Variants in MAP1B observed in about 807,000 individuals in gnomAD.
The protein encoded by MAP1B is microtubule associated protein 1B.
In MAP1B, 12 loss-of-function variants were observed where a neutral mutation model predicts 176.1. The observed-to-expected ratio is 0.07, with a 90% confidence interval of 0.04 to 0.11. MAP1B has a LOEUF of 0.11. Ranked by LOEUF, MAP1B falls within the 10% of genes least tolerant of loss-of-function variation. The pLI, the probability that MAP1B is intolerant of heterozygous loss-of-function variation, is 1.00. For synonymous variants in MAP1B, 1,044 were observed against 1,135.0 expected (o/e 0.92, Z 1.61); for missense variants, 2,523 against 2,990.5 (o/e 0.84, Z 3.65).
In MAP1B at chr5:72,175,436, C is replaced by A. The variant is rs114634550; in HGVS notation, c.287-8307C>A. Among the ~76,000 whole-genome samples, 1,271 of 152,220 alleles carry A rather than the reference C, an allele frequency of 8.3e-3. 7 individuals are homozygous for A. The highest frequency in any genetic ancestry group is 0.011 in the Non-Finnish European group (734 of 68,018). On this transcript the variant is annotated intron_variant, in intron 2 of 6. Transcript: ENST00000296755. ...GCTATTTTATCAACCACAGCTGGTG[C>A]CAGGATTGGGCTTTGCTGGTTCTAC...
At chr5:72,164,478 C>A (rs773899118) in intron 2 of MAP1B, among the ~76,000 whole-genome samples, 4 of 152,190 alleles carry the variant, frequency 2.6e-5, no homozygotes, top group Non-Finnish European at 5.9e-5. Flanking sequence ...TTCTCTGGGT[C>A]TCTTCTTACA....
rs1188262250 is a variant in MAP1B at position 72,204,963 on chromosome 5, T to C, written c.7252-121T>C. 1.7e-5 allele frequency: 11 copies of C among 643,174 alleles called. No homozygotes were observed. Among genetic ancestry groups the C allele is most frequent in the Middle Eastern group, 8.0e-4 (2 of 2,510 alleles). 39.8% of individuals were successfully genotyped at this position (643,174 alleles called of 1,614,324 possible). A position where few individuals can be genotyped will look rare whatever the true frequency, so the allele number is the denominator to read the frequency against. On this transcript the variant is annotated intron_variant, in intron 6 of 6. Transcript: ENST00000296755. This position sits in a 1 kb window ranked among gnomAD's most constrained non-coding sequence, Gnocchi z 4.4. ...AATCCTTTGCATTTCTTGAGGAAAA[T>C]AGAAAAGTTTTCTCTCATTTCCCTT... is the stretch of plus-strand genomic sequence containing the variant.
intron 2 of MAP1B, among the ~76,000 whole-genome samples, chr5:72,167,242 AT>A (rs564211531): frequency 2.3e-3 from 344 of 152,248 alleles, no homozygotes; most frequent in African/African-American, 7.9e-3. Context: ...ATTTGGGTTG[AT>A]TTTCACTGCA....
At chr5:72,154,384 C>T (rs1746193475) in intron 2 of MAP1B, among the ~76,000 whole-genome samples, 1 of 152,230 alleles carries the variant, frequency 6.6e-6, no homozygotes, top group South Asian at 2.1e-4. Context: ...TTCCAGTTTA[C>T]TGTTAACAGC....
chr5:72,202,975 T>C (rs1003170053), intron 5 of MAP1B, among the ~76,000 whole-genome samples: 22 of 152,146 alleles, frequency 1.4e-4, no homozygotes, highest in African/African-American at 4.6e-4. Context: ...GGAGAGAATA[T>C]GGTGTTTCAT....
In MAP1B at chr5:72,198,274, C is replaced by A; in HGVS notation, c.4919C>A (p.Ser1640Tyr). The A allele has an allele frequency of 6.2e-7, 1 of 1,614,150 alleles. No homozygotes were observed. The highest frequency in any genetic ancestry group is 8.5e-7 in the Non-Finnish European group (1 of 1,179,966). ...KSRTPVQDHRSEQSSMSIEFG... is the reference protein window; with the variant it reads ...KSRTPVQDHRYEQSSMSIEFG... Reference sequence around the variant, plus strand: ...AGGACACCCGTTCAAGATCACAGATCTGAACAGTCCTCAATGTCTATTGAA... The same window carrying A: ...AGGACACCCGTTCAAGATCACAGATATGAACAGTCCTCAATGTCTATTGAA... Residue 1640 changes from serine (S) to tyrosine (Y), a missense_variant, in exon 5 of 7, where the codon TCT becomes TAT. Ser to Tyr is a moderately radical substitution (Grantham distance 144, BLOSUM62 -2). This residue lies in a region of MAP1B where 1,925 missense variants were observed against 2,126.0 expected (regional missense o/e 0.91). Transcript: ENST00000296755.
chr5:72,181,571 T>C (rs1746766666), intron 2 of MAP1B, among the ~76,000 whole-genome samples: 1 of 152,126 alleles, frequency 6.6e-6, no homozygotes, highest in South Asian at 2.1e-4. Context: ...TTTTATCAAG[T>C]TTTTGAGACA....
intron 5 of MAP1B, 121 bp downstream of exon 5, chr5:72,200,488 C>A: frequency 7.9e-7 from 1 of 1,262,436 alleles, no homozygotes; most frequent in Non-Finnish European, 1.1e-6. Context: ...TGATGCTTTA[C>A]CTTCCCTGTA....
intron 2 of MAP1B, among the ~76,000 whole-genome samples, chr5:72,128,005 C>CT (rs987895686): frequency 1.6e-4 from 25 of 152,092 alleles, no homozygotes; most frequent in Admixed American, 5.9e-4. Context: ...CAAAGACAGT[C>CT]TTTTTTTAAA....
rs1335629861 is a variant in MAP1B, at chr5:72,208,063, C to G, written c.*2824C>G. On this transcript the variant is annotated 3_prime_UTR_variant, in exon 7 of 7. Transcript: ENST00000296755. ...TTTTTCCTATGAAATCTATCAGTACCTTTCTCCATCCGTTGTTCTCAATAT... is the reference window on the plus strand; with the variant it reads ...TTTTTCCTATGAAATCTATCAGTACGTTTCTCCATCCGTTGTTCTCAATAT... The G allele has an allele frequency of 9.9e-6, 1 of 100,792 alleles. No individual in the cohort carries two copies. Among genetic ancestry groups the G allele is most frequent in the Non-Finnish European group, 1.9e-5 (1 of 52,260 alleles). 6.2% of individuals were successfully genotyped at this position (100,792 alleles called of 1,614,324 possible).
intron 2 of MAP1B, among the ~76,000 whole-genome samples, chr5:72,148,844 G>T (rs1746091988): frequency 6.6e-6 from 1 of 152,230 alleles, no homozygotes; most frequent in Non-Finnish European, 1.5e-5. Flanking sequence ...GGAGATGGCA[G>T]CCTAACTCTC....
intron 2 of MAP1B, among the ~76,000 whole-genome samples, chr5:72,138,834 A>G (rs767107490): frequency 1.1e-4 from 17 of 152,214 alleles, no homozygotes; most frequent in Non-Finnish European, 2.4e-4. Flanking sequence ...TTTCAATGAC[A>G]CCCAAATTGT....
At chr5:72,113,493 A>T (rs192644574) in intron 1 of MAP1B, among the ~76,000 whole-genome samples, 1 of 152,252 alleles carries the variant, frequency 6.6e-6, no homozygotes, top group African/African-American at 2.4e-5. Flanking sequence ...TGAAAATATA[A>T]AGCAAACATT....
rs139604402 is a variant in MAP1B at position 72,196,023 on chromosome 5, G to A, written c.2668G>A (p.Glu890Lys). 2.4e-5 allele frequency: 38 copies of A among 1,614,214 alleles called. No homozygotes were observed. Among genetic ancestry groups the A allele is most frequent in the Non-Finnish European group, 2.9e-5 (34 of 1,180,034 alleles). The change falls in exon 5 of 7, where the codon GAG becomes AAG. Residue 890 changes from glutamate to lysine, a missense_variant. Glu to Lys is a moderately conservative substitution (Grantham distance 56). Coordinates refer to ENST00000296755, the MANE Select transcript of MAP1B (RefSeq NM_005909.5). This position sits in a 1 kb window ranked among gnomAD's most constrained non-coding sequence, Gnocchi z 5.3. Reference protein sequence around the residue: ...KEREVTKGPAESPDEGITTTE... With the variant: ...KEREVTKGPAKSPDEGITTTE... ...GAGAGAAGTCACCAAAGGTCCTGCC[G>A]AGTCCCCTGATGAGGGAATCACTAC...
At chr5:72,136,616 T>C (rs1229853605) in intron 2 of MAP1B, among the ~76,000 whole-genome samples, 1 of 152,208 alleles carries the variant, frequency 6.6e-6, no homozygotes, top group East Asian at 1.9e-4. Flanking sequence ...ATCATTTTAC[T>C]ACTACCCTCT....
intron 2 of MAP1B, among the ~76,000 whole-genome samples, chr5:72,161,527 G>T (rs1337417465): frequency 6.6e-6 from 1 of 152,194 alleles, no homozygotes; most frequent in East Asian, 1.9e-4. Flanking sequence ...AGATGGACAG[G>T]GAAGTTGCAG....
rs776199977 is a variant in MAP1B, at chr5:72,107,731, C to T, written c.184+16C>T. On this transcript the variant is annotated intron_variant, in intron 1 of 6. Transcript: ENST00000296755. ...ATCGAGCTCGGTAAGTGGCCCCGCGCCCCCAGAGACGCGCGCTGGGAGACG... is the reference window on the plus strand; with the variant it reads ...ATCGAGCTCGGTAAGTGGCCCCGCGTCCCCAGAGACGCGCGCTGGGAGACG... 9.4e-6 allele frequency: 15 copies of T among 1,594,852 alleles called. No individual in the cohort carries two copies. In the East Asian group the frequency reaches 1.3e-4, roughly 14 times the overall value.
At chr5:72,151,435 T>C (rs1746138881) in intron 2 of MAP1B, among the ~76,000 whole-genome samples, 2 of 152,292 alleles carry the variant, frequency 1.3e-5, no homozygotes, top group South Asian at 4.1e-4. Flanking sequence ...GGGAAGTCAT[T>C]GATCATAGAA....
At chr5:72,156,089 T>C (rs1428202314) in intron 2 of MAP1B, among the ~76,000 whole-genome samples, 1 of 152,164 alleles carries the variant, frequency 6.6e-6, no homozygotes, top group Admixed American at 6.5e-5. Flanking sequence ...TGAACATGCA[T>C]ATGGCCCCCC....
Sources: allele counts gnomAD v4.1 joint callset (sites outside exome capture counted in the v4.1 genomes callset), GRCh38; gene constraint gnomAD v4.1.1; regional missense constraint gnomAD v4.1.1; non-coding constraint Gnocchi (gnomAD v3.1); transcripts MANE v1.5; gene names NCBI Gene and HGNC (gene_info 2026-07-23, HGNC 2026-07-21).